Variants in ACACA observed in about 807,000 individuals in gnomAD.
ACACA encodes the protein acetyl-CoA carboxylase alpha, also known as acetyl-CoA carboxylase 1.
Under a neutral mutation model 296.1 loss-of-function variants are expected in ACACA, and 103 were observed. That is an observed-to-expected ratio of 0.35 (90% CI 0.30 to 0.41). The LOEUF is 0.41. ACACA is among the 10% of genes least tolerant of loss of function. ACACA has a pLI of 1.00. For synonymous variants in ACACA, 953 were observed against 1,038.6 expected (o/e 0.92, Z 1.58); for missense variants, 1,554 against 2,989.7 (o/e 0.52, Z 11.20).
intron 3 of ACACA, 119 bp from the exon 4 acceptor site, chr17:37,285,089 G>T: frequency 1.8e-6 from 2 of 1,129,874 alleles, no homozygotes. Context: ...ATGCTGGCAG[G>T]TCACGTACTT....
intron 19 of ACACA, 80 bp downstream of exon 19, chr17:37,246,746 T>C: frequency 1.9e-6 from 3 of 1,569,678 alleles, no homozygotes; most frequent in Non-Finnish European, 2.6e-6. Context: ...TTTCTGTAAC[T>C]TTTCAGTCCT....
At chr17:37,231,441 C>CA (rs943296227) in intron 25 of ACACA, among the ~76,000 whole-genome samples, 35 of 152,118 alleles carry the variant, frequency 2.3e-4, no homozygotes, top group Non-Finnish European at 4.1e-4. Flanking sequence ...TTTGATATCC[C>CA]AAAAAATGTC....
At chr17:37,295,929 A>C (rs1258907608) in intron 3 of ACACA, among the ~76,000 whole-genome samples, 4 of 152,140 alleles carry the variant, frequency 2.6e-5, no homozygotes, top group African/African-American at 9.7e-5. Context: ...CATTTCAAAA[A>C]ATCAAAAAAT....
chr17:37,324,819 C>A (rs1251132761), intron 3 of ACACA, among the ~76,000 whole-genome samples: 19 of 87,638 alleles, frequency 2.2e-4, no homozygotes, highest in Admixed American at 2.0e-3. Flanking sequence ...TGGGGAACAA[C>A]AGTGAAACTC....
intron 1 of ACACA, among the ~76,000 whole-genome samples, chr17:37,383,300 G>A (rs1019272677): frequency 6.6e-6 from 1 of 152,058 alleles, no homozygotes; most frequent in Non-Finnish European, 1.5e-5. Context: ...GGGTTAAGGG[G>A]GAGGAGAGAT....
intron 3 of ACACA, chr17:37,299,873 C>T (rs952418922): frequency 1.7e-5 from 15 of 863,808 alleles, no homozygotes; most frequent in Middle Eastern, 5.9e-4. Flanking sequence ...GAGCACAGCT[C>T]GGTCTAAAGA....
chr17:37,283,240 G>A (rs2082625059), intron 5 of ACACA, 27 bp downstream of exon 5: 1 of 1,613,742 alleles, frequency 6.2e-7, no homozygotes, highest in Non-Finnish European at 8.5e-7. Context: ...TTTTGAGAGT[G>A]ATGCTTTCAT....
chr17:37,111,283 C>T lies in ACACA; in HGVS notation c.6565+248G>A, dbSNP rs4795172. ...TCTCTACAAGGACATCTTAGAAAGA[C>T]GGGCTTTTTGTACTCTAAGGAAATA... is the stretch of plus-strand genomic sequence containing the variant. On this transcript the variant is annotated intron_variant, in intron 52 of 55. Coordinates refer to ENST00000616317, the MANE Select transcript of ACACA (RefSeq NM_198834.3). 3.5e-4 allele frequency among the ~76,000 whole-genome samples: 53 copies of T among 152,134 alleles called. 1 individual carries two copies. Among genetic ancestry groups the T allele is most frequent in the Admixed American group, 2.4e-3 (36 of 15,286 alleles).
At chr17:37,358,482 G>A (rs1209475495) in intron 1 of ACACA, among the ~76,000 whole-genome samples, 1 of 152,164 alleles carries the variant, frequency 6.6e-6, no homozygotes, top group Non-Finnish European at 1.5e-5. Context: ...CCTGGCTCTC[G>A]CCACGATACA....
intron 11 of ACACA, among the ~76,000 whole-genome samples, chr17:37,260,686 G>A (rs888081077): frequency 6.6e-6 from 1 of 151,894 alleles, no homozygotes; most frequent in African/African-American, 2.4e-5. Flanking sequence ...AGTCATGATA[G>A]TATAAGCCAA....
intron 11 of ACACA, among the ~76,000 whole-genome samples, chr17:37,260,963 G>A (rs1206811792): frequency 6.6e-6 from 1 of 152,066 alleles, no homozygotes; most frequent in African/African-American, 2.4e-5. Flanking sequence ...ATTAAGTGCA[G>A]GTAGAATGTT....
At position 37,191,231 on chromosome 17, in the gene ACACA, G is replaced by A. The variant is rs910029477; in HGVS notation, c.4461C>T (p.Leu1487=). Residue 1487 remains leucine, a synonymous_variant, in exon 38 of 56, where the codon CTC becomes CTT. Transcript: ENST00000616317. ...EYLQNEGERL[L]LEAMDELEVA... ...CTTCCAACTCATCCATGGCTTCCAGGAGTAGCCGCTCCCCTTCATTTTGCA... is the reference window on the plus strand; with the variant it reads ...CTTCCAACTCATCCATGGCTTCCAGAAGTAGCCGCTCCCCTTCATTTTGCA... 4 of 1,613,840 alleles carry A rather than the reference G, an allele frequency of 2.5e-6. No individual in the cohort carries two copies. Among genetic ancestry groups the A allele is most frequent in the Non-Finnish European group, 3.4e-6 (4 of 1,179,962 alleles).
chr17:37,224,480 G>A (rs2079444404), intron 27 of ACACA, among the ~76,000 whole-genome samples: 1 of 151,986 alleles, frequency 6.6e-6, no homozygotes. Context: ...CTGATTAGTA[G>A]TAAAATTAGA....
At chr17:37,109,961 G>C (rs931237516) in intron 52 of ACACA, among the ~76,000 whole-genome samples, 1 of 152,154 alleles carries the variant, frequency 6.6e-6, no homozygotes, top group African/African-American at 2.4e-5. Context: ...CATGAACTGC[G>C]GCCCTGCGGC....
intron 2 of ACACA, among the ~76,000 whole-genome samples, chr17:37,332,717 AC>A (rs2047941184): frequency 1.3e-5 from 2 of 151,846 alleles, no homozygotes; most frequent in Non-Finnish European, 2.9e-5. Flanking sequence ...TTCAACACCA[AC>A]CTGGCCAACA....
intron 43 of ACACA, among the ~76,000 whole-genome samples, chr17:37,153,961 C>T (rs1213880715): frequency 6.6e-6 from 1 of 152,140 alleles, no homozygotes; most frequent in Non-Finnish European, 1.5e-5. Flanking sequence ...AATGTGTAAA[C>T]TCAATACAAT....
chr17:37,272,709 G>A (rs368910396), intron 9 of ACACA, among the ~76,000 whole-genome samples: 4 of 151,978 alleles, frequency 2.6e-5, no homozygotes, highest in African/African-American at 4.8e-5. Context: ...AGTAAGGAGC[G>A]GGGAGGTAGA....
At chr17:37,315,291 G>A (rs1321829046) in intron 3 of ACACA, among the ~76,000 whole-genome samples, 1 of 152,166 alleles carries the variant, frequency 6.6e-6, no homozygotes, top group Admixed American at 6.5e-5. Context: ...CTGTTGCACA[G>A]TTAAGGAGAA....
Position 37,121,415 on chromosome 17 carries a change from G to A in ACACA, c.6214C>T (p.Arg2072Trp). The change falls in exon 50 of 56, where the codon CGG becomes TGG. Residue 2072 changes from arginine to tryptophan, a missense_variant. By Grantham distance (101) the Arg-to-Trp change is moderately radical. Around this residue, in one of 16 missense-constraint regions of ACACA, gnomAD observed 553 missense variants for 1,043.6 expected, o/e 0.53. Coordinates refer to ENST00000616317, the MANE Select transcript of ACACA (RefSeq NM_198834.3). ...KTYQAIKDFN[R>W]EGLPLMVFAN... The stretch of plus-strand genomic sequence containing the variant: ...AAGACCATCAGAGGCAGCCCTTCCC[G>A]GTTGAAGTCCTTGATGGCCTGATAC... 3.1e-6 allele frequency: 5 copies of A among 1,614,150 alleles called. No individual in the cohort carries two copies. Among genetic ancestry groups the A allele is most frequent in the Non-Finnish European group, 4.2e-6 (5 of 1,180,028 alleles).
Sources: allele counts gnomAD v4.1 joint callset (sites outside exome capture counted in the v4.1 genomes callset), GRCh38; gene constraint gnomAD v4.1.1; regional missense constraint gnomAD v4.1.1; transcripts MANE v1.5; gene names NCBI Gene and HGNC (gene_info 2026-07-23, HGNC 2026-07-21).